DPP6: variants seen among roughly 807,000 people sequenced by gnomAD.
DPP6 encodes the protein dipeptidyl peptidase like 6.
In DPP6, 69 loss-of-function variants were observed where a neutral mutation model predicts 122.6. The ratio of observed to expected loss-of-function variants is 0.56; its 90% CI spans 0.46 to 0.69. The LOEUF (loss-of-function observed/expected upper bound fraction) is 0.69. Ranked by LOEUF, DPP6 falls within the 30% of genes least tolerant of loss-of-function variation. The probability of loss-of-function intolerance (pLI) is 0.00; values close to 1 mark genes in which losing one functional copy is unlikely to be tolerated. For missense variants in DPP6, 928 were observed against 1,116.9 expected, an observed-to-expected ratio of 0.83 and a Z score of 2.41; for synonymous variants, 418 against 433.1, an observed-to-expected ratio of 0.97 and a Z score of 0.43.
chr7:154,387,995 A>C (rs971028821), intron 1 of DPP6, among the ~76,000 whole-genome samples: 2 of 152,030 alleles, frequency 1.3e-5, no homozygotes, highest in African/African-American at 4.8e-5. Context: ...CATGGCATGC[A>C]GTGGGTGCTC....
At chr7:153,964,184 C>T (rs1181673978) in intron 1 of DPP6, among the ~76,000 whole-genome samples, 11 of 151,950 alleles carry the variant, frequency 7.2e-5, no homozygotes, top group South Asian at 2.1e-4. Context: ...TTAGTACAGA[C>T]GGGGTTTCAC....
At position 154,211,408 on chromosome 7, in the gene DPP6, C is replaced by T. The variant is rs1799735332; in HGVS notation, c.243+158345C>T. ...GTCACTGGGTTTTTCCAGCGAGCAC[C>T]CCTCACGTCCATCTCCATGTTTCTT... On this transcript the variant is annotated intron_variant, in intron 1 of 25. Transcript: ENST00000377770. 4.6e-5 allele frequency among the ~76,000 whole-genome samples: 7 copies of T among 152,128 alleles called. No individual in the cohort carries two copies. The South Asian group carries it at 1.4e-3, about 32-fold the overall frequency.
chr7:154,713,977 C>G (rs558450244), intron 7 of DPP6, among the ~76,000 whole-genome samples: 2 of 152,328 alleles, frequency 1.3e-5, no homozygotes, highest in South Asian at 4.1e-4. Context: ...ATTTCTTCCT[C>G]TAGATACTTT....
chr7:154,252,208 T>C (rs565652458), intron 1 of DPP6, among the ~76,000 whole-genome samples: 2 of 136,980 alleles, frequency 1.5e-5, no homozygotes, highest in East Asian at 4.4e-4. Context: ...GGCCTCACAA[T>C]GTCACGTGTG....
At chr7:154,438,493 A>AAAAAG (rs1563672020) in intron 1 of DPP6, among the ~76,000 whole-genome samples, 18 of 149,962 alleles carry the variant, frequency 1.2e-4, no homozygotes, top group African/African-American at 3.7e-4. Context: ...AAAAAAAAAA[A>AAAAAG]AAAAGAAAAG....
At chr7:153,850,529 A>C in the DPP6 span, among the ~76,000 whole-genome samples, 1 of 152,188 alleles carries the variant, frequency 6.6e-6, no homozygotes, top group African/African-American at 2.4e-5. Flanking sequence ...GGTCCTATTC[A>C]TTCTCAAGGA....
At chr7:154,559,788 C>G (rs1830291562) in intron 4 of DPP6, among the ~76,000 whole-genome samples, 1 of 151,756 alleles carries the variant, frequency 6.6e-6, no homozygotes, top group African/African-American at 2.4e-5. Context: ...TTGTATAGGC[C>G]CAGCTACTCA....
intron 1 of DPP6, among the ~76,000 whole-genome samples, chr7:154,315,202 C>T (rs1452370101): frequency 6.6e-6 from 1 of 152,154 alleles, no homozygotes; most frequent in Non-Finnish European, 1.5e-5. Context: ...TCTCATCTTA[C>T]AGCTGAATAA....
intron 1 of DPP6, among the ~76,000 whole-genome samples, chr7:154,371,447 T>G (rs1812669154): frequency 6.6e-6 from 1 of 150,994 alleles, no homozygotes; most frequent in Admixed American, 6.6e-5. Context: ...AAAAAAATGT[T>G]GCAGTGAAAA....
chr7:153,873,439 C>T, the DPP6 span, among the ~76,000 whole-genome samples: 3 of 151,836 alleles, frequency 2.0e-5, no homozygotes, highest in African/African-American at 4.8e-5. Context: ...TAATTTAAAA[C>T]GAATGAAAAT....
intron 1 of DPP6, among the ~76,000 whole-genome samples, chr7:153,913,735 G>C (rs1800185914): frequency 6.6e-6 from 1 of 151,988 alleles, no homozygotes; most frequent in African/African-American, 2.4e-5. Context: ...TCTTGCAAAG[G>C]AGCCCTTGGC....
the DPP6 span, among the ~76,000 whole-genome samples, chr7:153,808,804 G>A: frequency 3.9e-5 from 6 of 151,910 alleles, no homozygotes; most frequent in Non-Finnish European, 8.8e-5. Context: ...GGATTCTTAA[G>A]TTGCATCTGT....
At chr7:154,444,739 G>A (rs1394378404) in intron 1 of DPP6, among the ~76,000 whole-genome samples, 1 of 152,236 alleles carries the variant, frequency 6.6e-6, no homozygotes, top group Non-Finnish European at 1.5e-5. Context: ...GAATTCAGGT[G>A]AAATGAAAAG....
intron 4 of DPP6, among the ~76,000 whole-genome samples, chr7:154,556,421 C>T (rs1381574193): frequency 6.6e-6 from 1 of 152,130 alleles, no homozygotes; most frequent in Non-Finnish European, 1.5e-5. Flanking sequence ...CCAATATAAA[C>T]AAGTATTTGA....
intron 5 of DPP6, among the ~76,000 whole-genome samples, chr7:154,636,238 G>C (rs1835718360): frequency 6.6e-6 from 1 of 152,168 alleles, no homozygotes; most frequent in Admixed American, 6.5e-5. Flanking sequence ...CCTGAGATCA[G>C]CTCTGTCTAG....
At chr7:154,590,816 G>A (rs1233263817) in intron 5 of DPP6, among the ~76,000 whole-genome samples, 1 of 151,836 alleles carries the variant, frequency 6.6e-6, no homozygotes, top group Non-Finnish European at 1.5e-5. Context: ...TTACAGGCAT[G>A]AGCCACCACG....
chr7:153,782,055 G>T, the DPP6 span, among the ~76,000 whole-genome samples: 1 of 148,044 alleles, frequency 6.8e-6, no homozygotes, highest in Non-Finnish European at 1.5e-5. Context: ...GAACAATCAG[G>T]ATCACTGTGG....
At chr7:154,266,471 C>T (rs774317555) in intron 1 of DPP6, among the ~76,000 whole-genome samples, 6 of 152,100 alleles carry the variant, frequency 3.9e-5, no homozygotes, top group Non-Finnish European at 7.3e-5. Context: ...CCCAGCTACT[C>T]GGGAAGCTGA....
intron 4 of DPP6, among the ~76,000 whole-genome samples, chr7:154,557,360 C>T (rs1245156782): frequency 2.0e-5 from 3 of 152,176 alleles, no homozygotes; most frequent in Non-Finnish European, 4.4e-5. Flanking sequence ...GTGACCCGGA[C>T]TAATTTCTAA....
Sources: gnomAD v4.1 joint callset for allele counts (sites outside exome capture counted in the v4.1 genomes callset) on GRCh38, gnomAD v4.1.1 for gene constraint, MANE v1.5 for transcripts, NCBI Gene and HGNC (gene_info 2026-07-23, HGNC 2026-07-21) for gene names.